Variants in HS2ST1 observed in about 807,000 individuals in gnomAD.
HS2ST1 encodes the protein heparan sulfate 2-O-sulfotransferase 1, also known as 2-O-sulfotransferase.
Under a neutral mutation model 42.9 loss-of-function variants are expected in HS2ST1, and 18 were observed. The ratio of observed to expected loss-of-function variants is 0.42; its 90% confidence interval spans 0.29 to 0.62. HS2ST1 has a LOEUF of 0.62. Among genes scored for constraint, HS2ST1 ranks in the 20% least tolerant of loss-of-function variants. The pLI is 0.21. For missense variants in HS2ST1, 334 were observed against 433.8 expected, an observed-to-expected ratio of 0.77 and a Z score of 2.04; for synonymous variants, 146 against 152.9, an observed-to-expected ratio of 0.95 and a Z score of 0.33.
In HS2ST1 at chr1:86,983,896, T is replaced by C. The variant is rs1242710806; in HGVS notation, c.124+68736T>C. 1.7e-4 allele frequency among the ~76,000 whole-genome samples: 26 copies of C among 152,068 alleles called. No individual in the cohort carries two copies. The East Asian group carries it at 5.0e-3, about 29-fold the overall frequency. On this transcript the variant is annotated intron_variant, in intron 1 of 6. Coordinates refer to ENST00000370550, the MANE Select transcript of HS2ST1 (RefSeq NM_012262.4). ...CTCTACTAAAAATACAAAAATTAGC[T>C]GGGCGCGGTGGCGGGCGCCTCTAAT... is the stretch of plus-strand genomic sequence containing the variant.
chr1:86,939,116 A>G (rs1288233673), intron 1 of HS2ST1, among the ~76,000 whole-genome samples: 1 of 152,176 alleles, frequency 6.6e-6, no homozygotes, highest in Non-Finnish European at 1.5e-5. Flanking sequence ...GGTTACTTTC[A>G]GTCTTGTTTT....
intron 1 of HS2ST1, among the ~76,000 whole-genome samples, chr1:86,945,017 T>TTA (rs1647287347): frequency 6.6e-6 from 1 of 152,288 alleles, no homozygotes; most frequent in African/African-American, 2.4e-5. Flanking sequence ...GTATTATCTC[T>TTA]TATATCCCTC....
At chr1:86,960,797 T>A (rs1375493739) in intron 1 of HS2ST1, among the ~76,000 whole-genome samples, 1 of 149,796 alleles carries the variant, frequency 6.7e-6, no homozygotes, top group Non-Finnish European at 1.5e-5. Flanking sequence ...TGTGGAGTAA[T>A]GGGAATTCTC....
At chr1:87,099,425 A>C (rs937365870) in intron 5 of HS2ST1, among the ~76,000 whole-genome samples, 8 of 152,302 alleles carry the variant, frequency 5.3e-5, no homozygotes, top group Non-Finnish European at 1.0e-4. Context: ...CCAGACTTTC[A>C]AACAACCAGA....
At chr1:87,093,881 C>G (rs1292033104) in intron 4 of HS2ST1, among the ~76,000 whole-genome samples, 1 of 149,320 alleles carries the variant, frequency 6.7e-6, no homozygotes, top group African/African-American at 2.6e-5. Flanking sequence ...TTAATGATTT[C>G]TAGAAATTGC....
intron 1 of HS2ST1, among the ~76,000 whole-genome samples, chr1:87,034,069 T>C (rs1650310529): frequency 6.6e-6 from 1 of 152,184 alleles, no homozygotes; most frequent in African/African-American, 2.4e-5. Context: ...TTTTTAAATA[T>C]AAAGATGTAG....
At position 86,945,355 on chromosome 1, in the gene HS2ST1, G is replaced by A. The variant is rs544251852; in HGVS notation, c.124+30195G>A. Among the ~76,000 whole-genome samples the A allele has an allele frequency of 2.0e-5, 3 of 152,278 alleles. No individual in the cohort carries two copies. In the East Asian group the frequency reaches 5.8e-4, roughly 29 times the overall value. ...AGTTTCTGGTCGTTTAGTAATGTCT[G>A]TCATTTATTGAATGCTTACTGCATA... On this transcript the variant is annotated intron_variant, in intron 1 of 6. Coordinates refer to ENST00000370550, the MANE Select transcript of HS2ST1 (RefSeq NM_012262.4).
intron 1 of HS2ST1, among the ~76,000 whole-genome samples, chr1:87,066,975 G>C (rs2100629068): frequency 6.6e-6 from 1 of 152,224 alleles, no homozygotes; most frequent in East Asian, 1.9e-4. Context: ...TATCATTGAT[G>C]GGGATTTGGG....
chr1:86,999,185 CT>C (rs917689355), intron 1 of HS2ST1, among the ~76,000 whole-genome samples: 18 of 148,354 alleles, frequency 1.2e-4, no homozygotes, highest in East Asian at 2.0e-4. Flanking sequence ...TTTTCTTTTT[CT>C]TTTTTTTTTG....
intron 1 of HS2ST1, among the ~76,000 whole-genome samples, chr1:86,998,300 A>G (rs1245451851): frequency 2.6e-5 from 4 of 152,254 alleles, no homozygotes; most frequent in Non-Finnish European, 4.4e-5. Flanking sequence ...CCACAGGAAC[A>G]TACAGCATTC....
chr1:87,096,351 A>G (rs1025575672), intron 4 of HS2ST1, among the ~76,000 whole-genome samples: 1 of 152,150 alleles, frequency 6.6e-6, no homozygotes, highest in Admixed American at 6.5e-5. Context: ...GTCATTTGGA[A>G]CATACTGGTT....
rs181913196 is a variant in HS2ST1, at chr1:86,967,105, G to A, written c.124+51945G>A. On this transcript the variant is annotated intron_variant, in intron 1 of 6. Coordinates refer to ENST00000370550, the MANE Select transcript of HS2ST1 (RefSeq NM_012262.4). Reference sequence around the variant, plus strand: ...GGGGTTTCTCCATGTTGGTCAGGCTGGTCTCGAACTCCTGACCTCAGGTGA... The same window carrying A: ...GGGGTTTCTCCATGTTGGTCAGGCTAGTCTCGAACTCCTGACCTCAGGTGA... Among the ~76,000 whole-genome samples, 5 of 152,096 alleles carry A rather than the reference G, an allele frequency of 3.3e-5. No homozygotes were observed. In the East Asian group the frequency reaches 7.7e-4, roughly 24 times the overall value.
intron 2 of HS2ST1, among the ~76,000 whole-genome samples, chr1:87,075,397 C>T (rs988460673): frequency 1.3e-5 from 2 of 151,994 alleles, no homozygotes; most frequent in African/African-American, 4.8e-5. Context: ...AAACTCCTGA[C>T]CTCAGGTGAT....
chr1:86,986,234 A>T (rs538033664), intron 1 of HS2ST1, among the ~76,000 whole-genome samples: 5 of 152,020 alleles, frequency 3.3e-5, no homozygotes, highest in Non-Finnish European at 7.4e-5. Flanking sequence ...TTCTTATATA[A>T]ATATTTATCT....
chr1:87,099,274 G>A (rs983597903), intron 5 of HS2ST1, among the ~76,000 whole-genome samples: 5 of 152,146 alleles, frequency 3.3e-5, no homozygotes, highest in African/African-American at 1.2e-4. Context: ...GGTTTAATTG[G>A]CTCACTGTTC....
In HS2ST1 at chr1:87,094,027, G is replaced by A. The variant is rs80344705; in HGVS notation, c.588+1358G>A. 3.0e-3 allele frequency among the ~76,000 whole-genome samples: 456 copies of A among 152,032 alleles called. 18 individuals carry two copies. The East Asian group carries it at 0.063, about 21-fold the overall frequency. On this transcript the variant is annotated intron_variant, in intron 4 of 6. Transcript: ENST00000370550. ...GAAATATTTATTGTGGAGATTCTGC[G>A]AAGTTTTATAAAATCTATTAGTATA...
intron 1 of HS2ST1, among the ~76,000 whole-genome samples, chr1:86,960,222 G>A (rs561690977): frequency 1.2e-4 from 8 of 66,660 alleles, no homozygotes; most frequent in Middle Eastern, 9.8e-3. Context: ...TCCCCTCCAC[G>A]CCACCAAAAA....
At chr1:86,919,240 C>T (rs1219245916) in intron 1 of HS2ST1, among the ~76,000 whole-genome samples, 1 of 152,016 alleles carries the variant, frequency 6.6e-6, no homozygotes, top group Non-Finnish European at 1.5e-5. Flanking sequence ...CCACTGCACC[C>T]GGCCTCTTAT....
chr1:86,972,131 G>C (rs1196257891), intron 1 of HS2ST1, among the ~76,000 whole-genome samples: 3 of 152,172 alleles, frequency 2.0e-5, no homozygotes. Flanking sequence ...GTTATGAGTT[G>C]TTAATGTTTC....
Sources: allele counts gnomAD v4.1 joint callset (sites outside exome capture counted in the v4.1 genomes callset), GRCh38; gene constraint gnomAD v4.1.1; transcripts MANE v1.5; gene names NCBI Gene and HGNC (gene_info 2026-07-23, HGNC 2026-07-21).